SLC25A26: variants seen among roughly 807,000 people sequenced by gnomAD.
SLC25A26 encodes the protein solute carrier family 25 member 26, also known as mitochondrial S-adenosylmethionine carrier protein.
A neutral mutation model predicts 37.8 loss-of-function variants in SLC25A26; 36 were observed. The ratio of observed to expected loss-of-function variants is 0.95; its 90% CI spans 0.73 to 1.26. SLC25A26 has a LOEUF of 1.26. Ranked by LOEUF, SLC25A26 falls within the 50% of genes most tolerant of loss-of-function variation. The probability of loss-of-function intolerance (pLI) is 0.00; values close to 1 mark genes in which losing one functional copy is unlikely to be tolerated. For synonymous variants in SLC25A26, 129 were observed against 122.5 expected, an observed-to-expected ratio of 1.05 and a Z score of -0.35; for missense variants, 390 against 331.1, an observed-to-expected ratio of 1.18 and a Z score of -1.38.
intron 1 of SLC25A26, among the ~76,000 whole-genome samples, chr3:66,226,774 C>A (rs543136040): frequency 1.5e-5 from 2 of 132,344 alleles, no homozygotes; most frequent in South Asian, 5.1e-4. Context: ...GTTGTTCTTA[C>A]AGTTTTTAGA....
chr3:66,262,274 C>A, intron 4 of SLC25A26, 119 bp downstream of exon 4: 1 of 484,812 alleles, frequency 2.1e-6, no homozygotes, highest in South Asian at 4.8e-5. Flanking sequence ...ATTTAATGTC[C>A]AGTTATAGTA....
chr3:66,375,267 C>T (rs1700580507), intron 9 of SLC25A26, among the ~76,000 whole-genome samples: 1 of 152,196 alleles, frequency 6.6e-6, no homozygotes, highest in Non-Finnish European at 1.5e-5. Context: ...ATCTCTGTAA[C>T]ACAGAAGTGT....
At chr3:66,376,800 C>G (rs912287682) in intron 9 of SLC25A26, among the ~76,000 whole-genome samples, 43 of 152,192 alleles carry the variant, frequency 2.8e-4, no homozygotes, top group African/African-American at 1.0e-3. Context: ...GGAATGTGTC[C>G]TATAATCCAC....
intron 2 of SLC25A26, among the ~76,000 whole-genome samples, chr3:66,237,202 G>GA (rs537195930): frequency 1.1e-3 from 168 of 150,054 alleles, no homozygotes; most frequent in Non-Finnish European, 1.1e-3. Flanking sequence ...TTGTAGTAGG[G>GA]AAAAAAAAAG....
At chr3:66,209,431 A>G (rs1005764113) in intron 1 of SLC25A26, among the ~76,000 whole-genome samples, 111 of 140,812 alleles carry the variant, frequency 7.9e-4, no homozygotes, top group African/African-American at 2.7e-3. Flanking sequence ...ATCTATATAT[A>G]GTCACATAAA....
At position 66,371,326 on chromosome 3, in the gene SLC25A26, G is replaced by T. The variant is rs770163718; in HGVS notation, c.707+724G>T. The T allele has an allele frequency of 2.6e-6, 4 of 1,549,128 alleles. No individual in the cohort carries two copies. The African/African-American group carries it at 5.5e-5, about 21-fold the overall frequency. On this transcript the variant is annotated intron_variant, in intron 9 of 9. Coordinates refer to ENST00000354883, the MANE Select transcript of SLC25A26 (RefSeq NM_001379210.1). ...AGTGCCACCTCCTCATCCTGATGCC[G>T]AGTTGGATCACTTATGTGATTGTAG...
chr3:66,357,891 A>G (rs887097927), intron 6 of SLC25A26, among the ~76,000 whole-genome samples: 4 of 152,212 alleles, frequency 2.6e-5, no homozygotes, highest in African/African-American at 7.2e-5. Context: ...TTTACTATCT[A>G]TGTGACCTCA....
In SLC25A26 at chr3:66,331,078, T is replaced by G. The variant is rs976970294; in HGVS notation, c.454-15286T>G. 2.0e-5 allele frequency among the ~76,000 whole-genome samples: 3 copies of G among 151,208 alleles called. No homozygotes were observed. The South Asian group carries it at 6.2e-4, about 31-fold the overall frequency. On this transcript the variant is annotated intron_variant, in intron 5 of 9. Transcript: ENST00000354883. ...AGAGAGCCTTATTTAAAGTGCTTAT[T>G]AATTATTGTTTAGTTTTTATATCTA...
intron 6 of SLC25A26, among the ~76,000 whole-genome samples, chr3:66,357,329 G>C (rs891390593): frequency 3.9e-5 from 6 of 152,152 alleles, no homozygotes; most frequent in African/African-American, 1.4e-4. Context: ...CGGGAAGATC[G>C]CTTGAGTGCA....
chr3:66,344,933 C>T (rs973866400), intron 5 of SLC25A26, among the ~76,000 whole-genome samples: 2 of 152,146 alleles, frequency 1.3e-5, no homozygotes, highest in African/African-American at 2.4e-5. Flanking sequence ...CGTTACACAG[C>T]GTCTTTGAAC....
At chr3:66,278,540 GTAGA>G (rs1355394535) in intron 5 of SLC25A26, among the ~76,000 whole-genome samples, 2 of 151,846 alleles carry the variant, frequency 1.3e-5, no homozygotes, top group African/African-American at 4.8e-5. Flanking sequence ...AAATTTGTCA[GTAGA>G]TAAAGTTTGT....
intron 5 of SLC25A26, among the ~76,000 whole-genome samples, chr3:66,332,636 T>A (rs1649322080): frequency 1.3e-5 from 2 of 152,118 alleles, no homozygotes; most frequent in Non-Finnish European, 2.9e-5. Flanking sequence ...GGTCTTGAAC[T>A]CCTGAACTCA....
chr3:66,297,797 A>G (rs782747), intron 5 of SLC25A26, among the ~76,000 whole-genome samples: 89,371 of 152,030 alleles, frequency 0.59, 28,239 homozygotes, highest in African/African-American at 0.82. Context: ...TTATTATCTG[A>G]CTCTTTACAG....
chr3:66,359,684 G>A (rs543756363), intron 6 of SLC25A26, among the ~76,000 whole-genome samples: 4 of 152,286 alleles, frequency 2.6e-5, no homozygotes, highest in South Asian at 2.1e-4. Context: ...AAGAAAAAGC[G>A]ATTCCATTGT....
rs36147154 is a variant in SLC25A26, at chr3:66,170,791, G to GTTTTTTTTTT, written c.-354+36828_-354+36837dup. Among the ~76,000 whole-genome samples the GTTTTTTTTTT allele has an allele frequency of 8.8e-4, 45 of 50,910 alleles. 3 individuals are homozygous for GTTTTTTTTTT. Among genetic ancestry groups the GTTTTTTTTTT allele is most frequent in the South Asian group, 2.2e-3 (2 of 900 alleles). 33.4% of individuals were successfully genotyped at this position (50,910 alleles called of 152,430 possible). The stretch of plus-strand genomic sequence containing the variant: ...CAAACATTTAATAGATGTGATTATT[G>GTTTTTTTTTT]TTTTTTTTTTTTTTTTTTTTTTTTT... On this transcript the variant is annotated intron_variant, in intron 1 of 10. Transcript: ENST00000676754.
intron 5 of SLC25A26, among the ~76,000 whole-genome samples, chr3:66,298,281 G>C (rs140948619): frequency 2.6e-5 from 4 of 152,286 alleles, no homozygotes; most frequent in Admixed American, 1.3e-4. Context: ...GGAGGAAAAT[G>C]AAATGTTGGA....
In SLC25A26 at chr3:66,280,740, T is replaced by C. The variant is rs371408707; in HGVS notation, c.453+17361T>C. ...GAAAAGGTAAAACGTGTATTTTTTT[T>C]CCCCAGGATTCACCAGTTAACATTT... is the stretch of plus-strand genomic sequence containing the variant. On this transcript the variant is annotated intron_variant, in intron 5 of 9. Coordinates refer to ENST00000354883, the MANE Select transcript of SLC25A26 (RefSeq NM_001379210.1). Among the ~76,000 whole-genome samples, 94 of 152,332 alleles carry C rather than the reference T, an allele frequency of 6.2e-4. 1 individual carries two copies. Among genetic ancestry groups the C allele is most frequent in the Admixed American group, 3.8e-3 (58 of 15,304 alleles).
intron 9 of SLC25A26, 114 bp downstream of exon 9, chr3:66,370,716 C>T (rs1017021645): frequency 5.9e-5 from 46 of 780,644 alleles, no homozygotes; most frequent in Non-Finnish European, 8.6e-5. Context: ...CTTTGAGTTT[C>T]TATTTATTGT....
intron 1 of SLC25A26, among the ~76,000 whole-genome samples, chr3:66,215,858 C>T (rs2071353174): frequency 6.6e-6 from 1 of 152,186 alleles, no homozygotes; most frequent in Non-Finnish European, 1.5e-5. Flanking sequence ...TAACAACATA[C>T]CACTGACTAG....
Sources: allele counts gnomAD v4.1 joint callset (sites outside exome capture counted in the v4.1 genomes callset), GRCh38; gene constraint gnomAD v4.1.1; transcripts MANE v1.5; gene names NCBI Gene and HGNC (gene_info 2026-07-23, HGNC 2026-07-21).